DAPK2: variants seen among roughly 807,000 people sequenced by gnomAD.
DAPK2 encodes death-associated protein kinase 2.
Under a neutral mutation model 44.1 loss-of-function variants are expected in DAPK2, and 35 were observed. The ratio of observed to expected loss-of-function variants is 0.79; its 90% CI spans 0.61 to 1.05. The LOEUF is 1.05. Ranked by LOEUF, DAPK2 falls within the 50% of genes least tolerant of loss-of-function variation. The pLI, the probability that DAPK2 is intolerant of heterozygous loss-of-function variation, is 0.00. For synonymous variants in DAPK2, 174 were observed against 182.6 expected, an observed-to-expected ratio of 0.95 and a Z score of 0.38; for missense variants, 453 against 483.2, an observed-to-expected ratio of 0.94 and a Z score of 0.59.
chr15:63,939,487 GA>G lies in DAPK2; in HGVS notation c.454-127del. 1.2e-6 allele frequency: 1 copy of G among 857,178 alleles called. No homozygotes were observed. The highest frequency in any genetic ancestry group is 2.7e-5 in the East Asian group (1 of 37,320). The allele number at this position is 857,178 out of a possible 1,614,324, so 53.1% of individuals were successfully genotyped here. A position where few individuals can be genotyped will look rare whatever the true frequency, so the allele number is the denominator to read the frequency against. On this transcript the variant is annotated intron_variant, in intron 3 of 10. Coordinates refer to ENST00000261891, the Ensembl canonical transcript of DAPK2. This position sits in a 1 kb window ranked among gnomAD's most constrained non-coding sequence, Gnocchi z 4.3. ...GGGTGGGACTTGGTGTTCTTTTTAG[GA>G]GACTGAAACAGCATAAACTCTTCCT...
intron 3 of DAPK2, among the ~76,000 whole-genome samples, chr15:63,955,082 A>T (rs2077687419): frequency 6.6e-6 from 1 of 152,226 alleles, no homozygotes; most frequent in Non-Finnish European, 1.5e-5. Flanking sequence ...CAAATATGAG[A>T]TCATATCTGC....
At chr15:63,922,683 G>A (rs1182757567) in intron 8 of DAPK2, 12 of 1,470,870 alleles carry the variant, frequency 8.2e-6, no homozygotes, top group Non-Finnish European at 1.1e-5. Flanking sequence ...GGGTGGATGA[G>A]AACATGCTTC....
chr15:63,943,593 C>T (rs905518246), intron 3 of DAPK2, among the ~76,000 whole-genome samples: 1 of 152,110 alleles, frequency 6.6e-6, no homozygotes, highest in South Asian at 2.1e-4. Flanking sequence ...GCCCAGGAGG[C>T]CGGGCGCAGT....
intron 1 of DAPK2, among the ~76,000 whole-genome samples, chr15:64,039,548 A>G (rs1427825179): frequency 1.3e-5 from 2 of 152,360 alleles, no homozygotes; most frequent in African/African-American, 2.4e-5. Flanking sequence ...AAATATTAGC[A>G]GCTGGTAGAA....
chr15:64,020,625 G>C lies in DAPK2; in HGVS notation c.92+19545C>G, dbSNP rs576866260. Among the ~76,000 whole-genome samples the C allele has an allele frequency of 5.9e-5, 9 of 152,180 alleles. No individual in the cohort carries two copies. The highest frequency in any genetic ancestry group is 8.8e-5 in the Non-Finnish European group (6 of 68,030). The stretch of plus-strand genomic sequence containing the variant: ...GTTGACAAAAGAGACACACCCATTT[G>C]ATAGCGAAAAGAAATCTAGGCTTAA... On this transcript the variant is annotated intron_variant, in intron 1 of 10. Transcript: ENST00000261891. The surrounding 1 kb of genome is among the most constrained non-coding windows in gnomAD (Gnocchi z 4.5).
chr15:63,998,926 T>C (rs1480461759), intron 1 of DAPK2, among the ~76,000 whole-genome samples: 2 of 152,134 alleles, frequency 1.3e-5, no homozygotes, highest in Non-Finnish European at 2.9e-5. Flanking sequence ...CCACCAAATA[T>C]TGGAAGAAGG....
intron 2 of DAPK2, among the ~76,000 whole-genome samples, chr15:63,973,952 T>A (rs936961382): frequency 1.3e-5 from 2 of 152,162 alleles, no homozygotes; most frequent in Non-Finnish European, 2.9e-5. Context: ...CCCCCTTTCT[T>A]CAATTTTATA....
rs1369829928 is a variant in DAPK2 at position 63,998,688 on chromosome 15, C to T, written c.93-14934G>A. 3.3e-5 allele frequency among the ~76,000 whole-genome samples: 5 copies of T among 152,348 alleles called. No homozygotes were observed. The South Asian group carries it at 8.3e-4, about 25-fold the overall frequency. ...CATGGCCGTAACAGTAGGTGCTTTC[C>T]GTGTGCACAGCTTGGCATCCTCCCC... On this transcript the variant is annotated intron_variant, in intron 1 of 10. Coordinates refer to ENST00000261891, the Ensembl canonical transcript of DAPK2.
At chr15:63,962,859 C>T (rs1054393200) in intron 3 of DAPK2, among the ~76,000 whole-genome samples, 2 of 152,202 alleles carry the variant, frequency 1.3e-5, no homozygotes, top group Non-Finnish European at 2.9e-5. Context: ...GCTGGGAGAA[C>T]CACTACTCTC....
chr15:63,999,108 C>T (rs1282717938), intron 1 of DAPK2, among the ~76,000 whole-genome samples: 1 of 152,208 alleles, frequency 6.6e-6, no homozygotes, highest in African/African-American at 2.4e-5. Context: ...ATGGCACAGA[C>T]GCTGTGCTGG....
chr15:63,939,304 C>A lies in DAPK2; in HGVS notation c.511G>T (p.Asp171Tyr), dbSNP rs2077244629. ...TCTATTTCGTGAGCCAGACCAAAGT[C>A]AATCAGCTTGATGTGTGGAATGGGA... Residue 171 changes from aspartate to tyrosine, a missense_variant, in exon 4 of 11, where the codon GAC (aspartate) becomes TAC (tyrosine). Transcript: ENST00000261891. The surrounding 1 kb of genome is among the most constrained non-coding windows in gnomAD (Gnocchi z 4.3). 5 of 1,610,754 alleles carry A rather than the reference C, an allele frequency of 3.1e-6. No homozygotes were observed. The highest frequency in any genetic ancestry group is 1.1e-5 in the South Asian group (1 of 90,978).
At position 63,972,904 on chromosome 15, in the gene DAPK2, A is replaced by G. The variant is rs538677773; in HGVS notation, c.315-1343T>C. Among the ~76,000 whole-genome samples the G allele has an allele frequency of 2.6e-5, 4 of 152,348 alleles. No homozygotes were observed. The East Asian group carries it at 7.7e-4, about 29-fold the overall frequency. ...ATTAATATGGCTCTCCAGGGAAGCC[A>G]GGTGCTATTCATCAAGACAATAAGG... On this transcript the variant is annotated intron_variant, in intron 2 of 10. Coordinates refer to ENST00000261891, the Ensembl canonical transcript of DAPK2.
rs1473321734 is a variant in DAPK2 at position 63,920,475 on chromosome 15, G to C, written c.858+4341C>G. ...AGTTTCCTATTAGACGCCCCATCTT[G>C]GGCCTTTTTTCTTAGTGGTCCATAA... On this transcript the variant is annotated intron_variant, in intron 8 of 10. Transcript: ENST00000261891. The C allele has an allele frequency of 2.0e-5, 3 of 152,054 alleles. No individual in the cohort carries two copies. The East Asian group carries it at 5.8e-4, about 29-fold the overall frequency. 9.4% of individuals were successfully genotyped at this position (152,054 alleles called of 1,614,324 possible).
At chr15:63,965,386 G>A (rs2078026092) in intron 3 of DAPK2, among the ~76,000 whole-genome samples, 1 of 152,230 alleles carries the variant, frequency 6.6e-6, no homozygotes, top group Admixed American at 6.5e-5. Context: ...CATCACCACT[G>A]GGATTGTGCT....
intron 2 of DAPK2, 116 bp from the exon 4 acceptor site, chr15:63,971,677 G>T (rs2078217669): frequency 9.0e-7 from 1 of 1,112,812 alleles, no homozygotes; most frequent in Non-Finnish European, 1.3e-6. Context: ...TTGTATGGCA[G>T]AATCCCCCTG....
At chr15:64,038,017 A>G (rs1406046913) in intron 1 of DAPK2, among the ~76,000 whole-genome samples, 1 of 152,222 alleles carries the variant, frequency 6.6e-6, no homozygotes. Flanking sequence ...ACCAGGAAAC[A>G]TGAGGTCTCT....
intron 4 of DAPK2, among the ~76,000 whole-genome samples, chr15:63,932,396 T>C (rs2140390672): frequency 7.6e-6 from 1 of 132,410 alleles, no homozygotes; most frequent in African/African-American, 3.0e-5. Flanking sequence ...ACCCAGGAGA[T>C]GGAGGTTGCA....
rs376609491 is a variant in DAPK2 at position 63,909,718 on chromosome 15, C to T, written c.1033-1118G>A. 1.6e-4 allele frequency: 24 copies of T among 152,134 alleles called. No individual in the cohort carries two copies. In the East Asian group the frequency reaches 1.7e-3, roughly 11 times the overall value. The allele number at this position is 152,134 out of a possible 1,614,324, so 9.4% of individuals were successfully genotyped here. A position where few individuals can be genotyped will look rare whatever the true frequency, so the allele number is the denominator to read the frequency against. On this transcript the variant is annotated intron_variant, in intron 10 of 10. Coordinates refer to ENST00000261891, the Ensembl canonical transcript of DAPK2. ...TCAGGAGGCTAAGGCAGGAGAATCT[C>T]TTGAACCCGGGAGGCAGAGGTTGCA...
intron 2 of DAPK2, among the ~76,000 whole-genome samples, chr15:63,973,040 C>T (rs1320692492): frequency 6.6e-6 from 1 of 152,200 alleles, no homozygotes; most frequent in African/African-American, 2.4e-5. Context: ...GTGTCCCTCC[C>T]ATCACAGATT....
Sources: allele counts gnomAD v4.1 joint callset (sites outside exome capture counted in the v4.1 genomes callset), GRCh38; gene constraint gnomAD v4.1.1; non-coding constraint Gnocchi (gnomAD v3.1); transcripts MANE v1.5; gene names NCBI Gene and HGNC (gene_info 2026-07-23, HGNC 2026-07-21).